Variants in TEX11 observed in about 807,000 individuals in gnomAD.
The protein encoded by TEX11 is testis expressed 11.
A neutral mutation model predicts 84.4 loss-of-function variants in TEX11; 7 were observed. The observed-to-expected ratio is 0.08, with a 90% confidence interval of 0.05 to 0.16. The LOEUF (loss-of-function observed/expected upper bound fraction) is 0.16, where lower values mean the gene tolerates loss of function less well. Ranked by LOEUF, TEX11 falls within the 10% of genes least tolerant of loss-of-function variation. TEX11 has a pLI of 1.00. For synonymous variants in TEX11, 264 were observed against 222.8 expected (o/e 1.18, Z -1.64); for missense variants, 551 against 660.5 (o/e 0.83, Z 1.82).
intron 7 of TEX11, among the ~76,000 whole-genome samples, chrX:70,838,405 G>A (rs1383241994): frequency 2.7e-5 from 3 of 111,929 alleles, no homozygotes; most frequent in South Asian, 3.7e-4. Context: ...CCTGGGCAAC[G>A]GAGCAAGACT....
At chrX:70,551,573 A>T (rs2088214703) in intron 28 of TEX11, among the ~76,000 whole-genome samples, 1 of 111,703 alleles carries the variant, frequency 9.0e-6, no homozygotes, top group Non-Finnish European at 1.9e-5. Context: ...ACTAAAAAAC[A>T]CTGGATTGTA....
At chrX:70,896,365 A>G (rs2091766198) in intron 2 of TEX11, among the ~76,000 whole-genome samples, 1 of 112,355 alleles carries the variant, frequency 8.9e-6, no homozygotes, top group Non-Finnish European at 1.9e-5. Context: ...AAAGTCAGGA[A>G]ACAACAGATG....
intron 15 of TEX11, 52 bp downstream of exon 15, chrX:70,678,752 A>ATTTTT: frequency 1.9e-6 from 2 of 1,040,727 alleles, no homozygotes; most frequent in Non-Finnish European, 1.3e-6. Context: ...TGAATGCACT[A>ATTTTT]TTTTTTGTTG....
chrX:70,579,530 A>AAAAAAAAAAAAAAAAAAAAC (rs2088739759), intron 25 of TEX11, among the ~76,000 whole-genome samples: 1 of 103,126 alleles, frequency 9.7e-6, no homozygotes. Flanking sequence ...AAAAAAAAAA[A>AAAAAAAAAAAAAAAAAAAAC]AAAACAAAAA....
the TEX11 span, among the ~76,000 whole-genome samples, chrX:70,523,868 G>A: frequency 1.2e-3 from 126 of 108,549 alleles, no homozygotes; most frequent in African/African-American, 4.1e-3. Context: ...GTTATTGGAA[G>A]GAATGGTTTG....
intron 8 of TEX11, among the ~76,000 whole-genome samples, chrX:70,811,618 T>C (rs2091255149): frequency 9.0e-6 from 1 of 111,366 alleles, no homozygotes; most frequent in Non-Finnish European, 1.9e-5. Context: ...TCCACAATGG[T>C]TGAACTAGTT....
chrX:70,862,706 C>G (rs1024186175), intron 4 of TEX11, among the ~76,000 whole-genome samples: 1 of 105,857 alleles, frequency 9.4e-6, no homozygotes, highest in African/African-American at 3.5e-5. Flanking sequence ...GAGTTCAAGA[C>G]CAGCCTGACC....
chrX:70,723,141 T>C (rs988934084), intron 12 of TEX11, among the ~76,000 whole-genome samples: 5 of 111,898 alleles, frequency 4.5e-5, no homozygotes, highest in African/African-American at 1.6e-4. Flanking sequence ...TGTATGGAAA[T>C]TATATAGCAA....
intron 21 of TEX11, among the ~76,000 whole-genome samples, chrX:70,609,537 T>C (rs1175193949): frequency 8.9e-6 from 1 of 112,516 alleles, no homozygotes; most frequent in Non-Finnish European, 1.9e-5. Context: ...GGTATCAATA[T>C]GCTGGCATAA....
intron 4 of TEX11, among the ~76,000 whole-genome samples, chrX:70,861,625 C>T (rs779030137): frequency 1.0e-4 from 11 of 109,832 alleles, no homozygotes; most frequent in Middle Eastern, 4.6e-3. Context: ...CGCCACCACG[C>T]CCAGCTAATT....
chrX:70,525,327 T>A (rs1443701009), downstream of TEX11, among the ~76,000 whole-genome samples: 1 of 111,847 alleles, frequency 8.9e-6, no homozygotes, highest in Admixed American at 9.5e-5. Context: ...GGCTCACACC[T>A]GTAATCCCAG....
chrX:70,687,257 T>A (rs2090197060), intron 13 of TEX11, among the ~76,000 whole-genome samples: 1 of 111,752 alleles, frequency 8.9e-6, no homozygotes. Context: ...TAATTATCTA[T>A]CTCTTAAAGA....
intron 2 of TEX11, among the ~76,000 whole-genome samples, chrX:70,881,757 T>C (rs74965537): frequency 0.095 from 10,469 of 110,694 alleles, 637 homozygotes; most frequent in Admixed American, 0.29. Flanking sequence ...ATTAAAATTC[T>C]AGCTAAACAT....
At chrX:70,515,294 C>T in the TEX11 span, among the ~76,000 whole-genome samples, 185 of 104,531 alleles carry the variant, frequency 1.8e-3, 1 homozygote, top group Non-Finnish European at 3.1e-3. Context: ...CAACAGGCCC[C>T]GGTGTGTGAT....
At chrX:70,646,306 C>G (rs2089741661) in intron 17 of TEX11, among the ~76,000 whole-genome samples, 1 of 112,086 alleles carries the variant, frequency 8.9e-6, no homozygotes, top group African/African-American at 3.2e-5. Flanking sequence ...AGACATGAAA[C>G]TGTAGAACTA....
chrX:70,677,810 CTTTTTTT>C (rs35653618), intron 15 of TEX11, among the ~76,000 whole-genome samples: 1 of 63,585 alleles, frequency 1.6e-5, no homozygotes, highest in East Asian at 4.2e-4. Context: ...CTTTTCTTTC[CTTTTTTT>C]TTTTTTTTTT....
chrX:70,529,074 T>C lies in TEX11; in HGVS notation c.*21A>G, dbSNP rs776754328. 1 of 1,167,418 alleles carries C rather than the reference T, an allele frequency of 8.6e-7. No individual in the cohort carries two copies. Among genetic ancestry groups the C allele is most frequent in the Admixed American group, 2.2e-5 (1 of 45,278 alleles). On this transcript the variant is annotated 3_prime_UTR_variant, in exon 30 of 30. Transcript: ENST00000374333. ...CAGCATCTCGGGACAATGTATCTTC[T>C]TCATGTGGCCATGAGCTTGCCTAAT... is the stretch of plus-strand genomic sequence containing the variant.
chrX:70,528,157 CTGGCTTCTG>C (rs2087840735), downstream of TEX11, among the ~76,000 whole-genome samples: 1 of 111,644 alleles, frequency 9.0e-6, no homozygotes, highest in Non-Finnish European at 1.9e-5. Context: ...AAAGATAGGC[CTGGCTTCTG>C]TCTTCAGAGG....
At chrX:70,564,481 G>A (rs1468131095) in intron 25 of TEX11, among the ~76,000 whole-genome samples, 1 of 109,084 alleles carries the variant, frequency 9.2e-6, no homozygotes, top group East Asian at 2.9e-4. Context: ...GTATACATGT[G>A]CCATGATGGT....
Sources: gnomAD v4.1 joint callset for allele counts (sites outside exome capture counted in the v4.1 genomes callset) on GRCh38, gnomAD v4.1.1 for gene constraint, MANE v1.5 for transcripts, NCBI Gene and HGNC (gene_info 2026-07-23, HGNC 2026-07-21) for gene names.